Variants in ANO1 observed in about 807,000 individuals in gnomAD.
ANO1 encodes the protein anoctamin-1.
Under a neutral mutation model 124.0 loss-of-function variants are expected in ANO1, and 59 were observed. That is an observed-to-expected ratio of 0.48 (90% CI 0.39 to 0.59). The LOEUF (loss-of-function observed/expected upper bound fraction) is 0.59, where lower values mean the gene tolerates loss of function less well. Ranked by LOEUF, ANO1 falls within the 20% of genes least tolerant of loss-of-function variation. The pLI is 0.00. For missense variants in ANO1, 1,059 were observed against 1,328.0 expected, an observed-to-expected ratio of 0.80 and a Z score of 3.15; for synonymous variants, 529 against 532.0, an observed-to-expected ratio of 0.99 and a Z score of 0.08.
chr11:70,054,384 T>A (rs991135521), intron 1 of ANO1, among the ~76,000 whole-genome samples: 2 of 152,160 alleles, frequency 1.3e-5, no homozygotes, highest in Non-Finnish European at 2.9e-5. Context: ...GGGGCTGTGG[T>A]CAGACCTTGG....
chr11:70,187,597 C>G, intron 25 of ANO1, 141 bp from the exon 26 acceptor site: 1 of 1,065,454 alleles, frequency 9.4e-7, no homozygotes, highest in Non-Finnish European at 1.3e-6. Flanking sequence ...TTTATAGCTT[C>G]TGGAAAACTG....
intron 1 of ANO1, among the ~76,000 whole-genome samples, chr11:70,082,312 AC>A (rs2044224559): frequency 6.6e-6 from 1 of 152,220 alleles, no homozygotes; most frequent in African/African-American, 2.4e-5. Flanking sequence ...TAAATCCAGC[AC>A]CTTGGGAGGC....
Position 70,103,171 on chromosome 11 carries a change from G to GT in ANO1, c.540+9dup. 6.2e-7 allele frequency: 1 copy of GT among 1,605,354 alleles called. No individual in the cohort carries two copies. The highest frequency in any genetic ancestry group is 8.5e-7 in the Non-Finnish European group (1 of 1,175,506). On this transcript the variant is annotated splice_region_variant and intron_variant, in intron 3 of 25. Transcript: ENST00000355303. ...GAAGATGCCGACGAAGAAGGTTGGT[G>GT]TTGATGGTCCTGCTCCGAAATGAAT...
At chr11:70,163,426 A>G (rs772011288) in intron 19 of ANO1, 86 bp downstream of exon 19, 12 of 1,494,558 alleles carry the variant, frequency 8.0e-6, no homozygotes, top group Non-Finnish European at 1.1e-5. Context: ...AAGCAGCTGC[A>G]GCACATTTGT....
chr11:69,978,745 C>T, the ANO1 span, among the ~76,000 whole-genome samples: 3 of 152,286 alleles, frequency 2.0e-5, no homozygotes, highest in African/African-American at 7.2e-5. Flanking sequence ...TAGATGGAAG[C>T]CTAATCTCTC....
Position 70,088,088 on chromosome 11 carries a change from A to G in ANO1, c.441+4A>G, listed in dbSNP as rs1409241268. 6.1e-6 allele frequency: 6 copies of G among 987,460 alleles called. No individual in the cohort carries two copies. In the Admixed American group the frequency reaches 5.6e-4, roughly 92 times the overall value. 61.2% of individuals were successfully genotyped at this position (987,460 alleles called of 1,614,324 possible). ...GGAGCTGGAGCGGGACGAGGACGTA[A>G]CTATCTCACTGCGCGCTGTTTGTGG... On this transcript the variant is annotated splice_donor_region_variant and intron_variant, in intron 2 of 25. Coordinates refer to ENST00000355303, the MANE Select transcript of ANO1 (RefSeq NM_018043.7).
Position 70,126,049 on chromosome 11 carries a change from C to A in ANO1, c.963-12C>A, listed in dbSNP as rs371709085. ...ACAGTGGGCTTGACTCTGCTCTGCT[C>A]CCCTGGTGTAGGAAGTATTTTGGGG... On this transcript the variant is annotated splice_polypyrimidine_tract_variant and intron_variant, in intron 9 of 25. Coordinates refer to ENST00000355303, the MANE Select transcript of ANO1 (RefSeq NM_018043.7). 3.5e-5 allele frequency: 56 copies of A among 1,603,642 alleles called. No individual in the cohort carries two copies. The African/African-American group carries it at 6.9e-4, about 20-fold the overall frequency.
At chr11:70,165,328 C>G (rs1382092997) in intron 19 of ANO1, 142 bp from the exon 20 acceptor site, 1 of 684,068 alleles carries the variant, frequency 1.5e-6, no homozygotes, top group Non-Finnish European at 2.5e-6. Context: ...GGCCACGTTC[C>G]CAGGTGGCGG....
At chr11:70,178,254 T>G (rs2048802177) in intron 22 of ANO1, among the ~76,000 whole-genome samples, 1 of 151,974 alleles carries the variant, frequency 6.6e-6, no homozygotes, top group East Asian at 1.9e-4. Flanking sequence ...CCTAAGGGAG[T>G]GCTTCAGTGC....
At chr11:70,126,317 A>C in intron 10 of ANO1, 122 bp downstream of exon 10, 19 of 1,241,686 alleles carry the variant, frequency 1.5e-5, no homozygotes, top group Non-Finnish European at 1.9e-5. Context: ...ATGAAACCTC[A>C]CGCCAAGCCA....
rs71463659 is a variant in ANO1 at position 70,101,585 on chromosome 11, C to CAAA, written c.442-1461_442-1459dup. On this transcript the variant is annotated intron_variant, in intron 2 of 25. Coordinates refer to ENST00000355303, the MANE Select transcript of ANO1 (RefSeq NM_018043.7). ...AAAGAACAAAAAAATGATTAAAAAC[C>CAAA]AAAAAAAAAAAAAAAAAAAAAACTC... 5.7e-3 allele frequency among the ~76,000 whole-genome samples: 430 copies of CAAA among 75,840 alleles called. 9 individuals carry two copies. The highest frequency in any genetic ancestry group is 0.015 in the African/African-American group (271 of 18,060). 49.8% of individuals were successfully genotyped at this position (75,840 alleles called of 152,430 possible).
At chr11:70,052,366 C>G (rs912615916) in intron 1 of ANO1, among the ~76,000 whole-genome samples, 1 of 151,984 alleles carries the variant, frequency 6.6e-6, no homozygotes, top group Non-Finnish European at 1.5e-5. Context: ...TTGAGGGAGT[C>G]TTGAGTCTTG....
chr11:70,119,257 TG>T (rs1390821503), intron 8 of ANO1, among the ~76,000 whole-genome samples: 29 of 19,306 alleles, frequency 1.5e-3, no homozygotes, highest in Admixed American at 2.3e-3. Flanking sequence ...TGATGGATGA[TG>T]GGGGGGTGGG....
intron 4 of ANO1, among the ~76,000 whole-genome samples, chr11:70,105,308 A>G (rs2045474386): frequency 6.6e-6 from 1 of 152,150 alleles, no homozygotes; most frequent in Admixed American, 6.5e-5. Context: ...GACCCAAACC[A>G]TTGGAAATAC....
At position 70,108,464 on chromosome 11, in the gene ANO1, G is replaced by A. The variant is rs894419474; in HGVS notation, c.799+60G>A. 95 of 1,567,954 alleles carry A rather than the reference G, an allele frequency of 6.1e-5. No individual in the cohort carries two copies. In the Middle Eastern group the frequency reaches 8.4e-4, roughly 14 times the overall value. On this transcript the variant is annotated intron_variant, in intron 6 of 25. Transcript: ENST00000355303. Reference sequence around the variant, plus strand: ...GTTTCCAAGTCGGAATCTCACCTCCGAGTCATCTCTGTGGGAGGCAGGCAG... The same window carrying A: ...GTTTCCAAGTCGGAATCTCACCTCCAAGTCATCTCTGTGGGAGGCAGGCAG...
At chr11:70,116,100 C>T (rs1051565415) in intron 7 of ANO1, among the ~76,000 whole-genome samples, 3 of 152,220 alleles carry the variant, frequency 2.0e-5, no homozygotes, top group African/African-American at 4.8e-5. Context: ...GACATATACG[C>T]ACCCTATTGA....
chr11:70,160,318 A>G (rs1258137893), intron 16 of ANO1, among the ~76,000 whole-genome samples: 1 of 151,744 alleles, frequency 6.6e-6, no homozygotes, highest in Non-Finnish European at 1.5e-5. Context: ...TCCATCCTCA[A>G]TGAGGGCTCA....
chr11:70,042,895 G>A (rs745894456), intron 1 of ANO1, among the ~76,000 whole-genome samples: 21 of 152,116 alleles, frequency 1.4e-4, no homozygotes, highest in Admixed American at 7.2e-4. Flanking sequence ...ATTCTAACAC[G>A]AATTAAAGAA....
chr11:69,991,851 G>A (rs1358793389), intron 1 of ANO1, among the ~76,000 whole-genome samples: 2 of 152,200 alleles, frequency 1.3e-5, no homozygotes, highest in Non-Finnish European at 2.9e-5. Flanking sequence ...ATTATGATCT[G>A]TGTTGTAGAA....
Sources: allele counts gnomAD v4.1 joint callset (sites outside exome capture counted in the v4.1 genomes callset), GRCh38; gene constraint gnomAD v4.1.1; transcripts MANE v1.5; gene names NCBI Gene and HGNC (gene_info 2026-07-23, HGNC 2026-07-21).